CLNS1A: variants seen among roughly 807,000 people sequenced by gnomAD.
The protein encoded by CLNS1A is methylosome subunit pICln.
A neutral mutation model predicts 29.4 loss-of-function variants in CLNS1A; 16 were observed. The ratio of observed to expected loss-of-function variants is 0.54; its 90% CI spans 0.37 to 0.83. CLNS1A has a LOEUF of 0.83. CLNS1A is among the 40% of genes least tolerant of loss of function. The pLI, the probability that CLNS1A is intolerant of heterozygous loss-of-function variation, is 0.00. For missense variants in CLNS1A, 235 were observed against 287.4 expected (o/e 0.82, Z 1.32); for synonymous variants, 96 against 104.8 (o/e 0.92, Z 0.51).
intron 1 of CLNS1A, among the ~76,000 whole-genome samples, chr11:77,632,063 A>G (rs1482624446): frequency 6.6e-6 from 1 of 152,212 alleles, no homozygotes; most frequent in African/African-American, 2.4e-5. Context: ...TAAAGAGCTA[A>G]AAGTGATAAA....
chr11:77,617,752 T>C (rs1958919431), intron 6 of CLNS1A, among the ~76,000 whole-genome samples: 1 of 151,522 alleles, frequency 6.6e-6, no homozygotes, highest in Non-Finnish European at 1.5e-5. Context: ...ACCCTCTCTC[T>C]ACTAAAAATA....
rs1197901023 is a variant in CLNS1A at position 77,624,968 on chromosome 11, G to A, written c.467C>T (p.Ala156Val). The change falls in exon 4 of 7, where the codon GCA becomes GTA. Residue 156 changes from alanine to valine, a missense_variant. Physicochemically the swap from Ala to Val is moderately conservative, Grantham distance 64 (BLOSUM62 0). Coordinates refer to ENST00000525428, the MANE Select transcript of CLNS1A (RefSeq NM_001293.3). ...DYDGEEYDVE[A>V]HEQGQGDIPT... ...TTAAAATCCATTTCACTAACCATGT[G>A]CTTCCACATCATATTCTTCTCCATC... is the stretch of plus-strand genomic sequence containing the variant. 6.2e-7 allele frequency: 1 copy of A among 1,600,070 alleles called. No homozygotes were observed.
chr11:77,635,776 G>C (rs1184685406), intron 1 of CLNS1A, among the ~76,000 whole-genome samples: 1 of 152,198 alleles, frequency 6.6e-6, no homozygotes, highest in Non-Finnish European at 1.5e-5. Flanking sequence ...CTGGGAACTA[G>C]GAATGTATCT....
intron 5 of CLNS1A, among the ~76,000 whole-genome samples, chr11:77,621,684 A>G (rs961575288): frequency 6.6e-6 from 1 of 152,238 alleles, no homozygotes; most frequent in Non-Finnish European, 1.5e-5. Flanking sequence ...TTATGCATCA[A>G]CTTGGCTAGG....
Position 77,637,622 on chromosome 11 carries a change from G to A in CLNS1A, c.93C>T (p.Gly31=). ...PDTEAVLNGK[G]LGTGTLYIAE... is the part of the protein sequence containing the mutation. Reference sequence around the variant, plus strand: ...CGATGTAAAGGGTACCAGTGCCGAGGCCCTTCCCGTTCAGCACAGCCTCAG... The same window carrying A: ...CGATGTAAAGGGTACCAGTGCCGAGACCCTTCCCGTTCAGCACAGCCTCAG... The change falls in exon 1 of 7, where the codon GGC becomes GGT. Residue 31 remains glycine, a synonymous_variant. Transcript: ENST00000525428. The A allele has an allele frequency of 6.3e-7, 1 of 1,596,518 alleles. No homozygotes were observed. Among genetic ancestry groups the A allele is most frequent in the Non-Finnish European group, 8.5e-7 (1 of 1,172,038 alleles).
intron 4 of CLNS1A, among the ~76,000 whole-genome samples, chr11:77,623,571 A>C (rs1417630861): frequency 6.6e-6 from 1 of 152,044 alleles, no homozygotes; most frequent in Admixed American, 6.6e-5. Context: ...CAGCCTGGGC[A>C]ACAGAGTTAG....
chr11:77,631,483 G>A (rs1959074209), intron 1 of CLNS1A, among the ~76,000 whole-genome samples: 1 of 151,702 alleles, frequency 6.6e-6, no homozygotes, highest in Non-Finnish European at 1.5e-5. Context: ...ACCACACCCG[G>A]CTAATTTTTT....
intron 5 of CLNS1A, 51 bp downstream of exon 5, chr11:77,622,449 C>T: frequency 7.2e-7 from 1 of 1,393,844 alleles, no homozygotes; most frequent in Non-Finnish European, 9.8e-7. Flanking sequence ...CTATCCATAA[C>T]TTATTGCCCA....
intron 6 of CLNS1A, 181 bp downstream of exon 6, chr11:77,619,425 G>T: frequency 1.8e-6 from 1 of 558,820 alleles, no homozygotes. Context: ...CCAGCTATTT[G>T]GGAGGGTGAG....
intron 1 of CLNS1A, among the ~76,000 whole-genome samples, chr11:77,634,403 C>A (rs1959103006): frequency 2.0e-5 from 3 of 152,130 alleles, no homozygotes; most frequent in East Asian, 3.9e-4. Context: ...TATTTATACC[C>A]TTTTTTTGTA....
Position 77,637,606 on chromosome 11 carries a change from G to C in CLNS1A, c.109C>G (p.Leu37Val). 1 of 1,601,554 alleles carries C rather than the reference G, an allele frequency of 6.2e-7. No homozygotes were observed. Among genetic ancestry groups the C allele is most frequent in the Non-Finnish European group, 8.5e-7 (1 of 1,174,538 alleles). Reference protein sequence around the residue: ...LNGKGLGTGTLYIAESRLSWL... With the variant: ...LNGKGLGTGTVYIAESRLSWL... The stretch of plus-strand genomic sequence containing the variant: ...GAACCCTACCTCTCAGCGATGTAAA[G>C]GGTACCAGTGCCGAGGCCCTTCCCG... Residue 37 changes from leucine to valine, a missense_variant, in exon 1 of 7, where the codon CTT becomes GTT. Leu to Val is a conservative substitution (Grantham distance 32, BLOSUM62 1). Coordinates refer to ENST00000525428, the MANE Select transcript of CLNS1A (RefSeq NM_001293.3).
chr11:77,615,506 A>G lies in CLNS1A; in HGVS notation c.*1212T>C, dbSNP rs1356952870. Reference sequence around the variant, plus strand: ...ATAAAGTGGGATAAAAGCGTATCTCATAAGATAATTAAGAATATTATAATA... The same window carrying G: ...ATAAAGTGGGATAAAAGCGTATCTCGTAAGATAATTAAGAATATTATAATA... On this transcript the variant is annotated 3_prime_UTR_variant, in exon 7 of 7. Transcript: ENST00000525428. The G allele has an allele frequency of 6.6e-6, 1 of 152,236 alleles. No individual in the cohort carries two copies. Among genetic ancestry groups the G allele is most frequent in the East Asian group, 1.9e-4 (1 of 5,206 alleles). 9.4% of individuals were successfully genotyped at this position (152,236 alleles called of 1,614,324 possible). A position where few individuals can be genotyped will look rare whatever the true frequency, so the allele number is the denominator to read the frequency against.
chr11:77,637,254 A>AAAAAAAG (rs1255397759), intron 1 of CLNS1A, among the ~76,000 whole-genome samples: 10 of 147,240 alleles, frequency 6.8e-5, no homozygotes, highest in African/African-American at 1.8e-4. Flanking sequence ...AAAAAAAAAA[A>AAAAAAAG]AAAAAGAAAA....
intron 5 of CLNS1A, 104 bp downstream of exon 5, chr11:77,622,396 A>G (rs1170566325): frequency 2.6e-6 from 2 of 769,928 alleles, no homozygotes; most frequent in Non-Finnish European, 4.1e-6. Flanking sequence ...TATACTATAG[A>G]GAGTCAATTC....
chr11:77,631,294 T>A (rs2135775160), intron 1 of CLNS1A, among the ~76,000 whole-genome samples: 1 of 152,052 alleles, frequency 6.6e-6, no homozygotes, highest in African/African-American at 2.4e-5. Flanking sequence ...TACAACTCTG[T>A]AAATATACTA....
chr11:77,631,583 C>G (rs1959075361), intron 1 of CLNS1A, among the ~76,000 whole-genome samples: 1 of 151,890 alleles, frequency 6.6e-6, no homozygotes. Context: ...TCCCAAAGTG[C>G]TGGGATTATA....
intron 3 of CLNS1A, 163 bp from the exon 4 acceptor site, chr11:77,625,233 T>A (rs1959004343): frequency 1.7e-6 from 1 of 601,250 alleles, no homozygotes; most frequent in Non-Finnish European, 3.0e-6. Flanking sequence ...AGTCATAAAA[T>A]AATAAGAGTT....
chr11:77,617,527 C>A (rs890159464), intron 6 of CLNS1A, among the ~76,000 whole-genome samples: 1 of 150,132 alleles, frequency 6.7e-6, no homozygotes. Context: ...GGCAACAGAG[C>A]GAGACTCCCG....
Position 77,637,613 on chromosome 11 carries a change from A to G in CLNS1A, c.102T>C (p.Thr34=), listed in dbSNP as rs1459550838. The change falls in exon 1 of 7, where the codon ACT becomes ACC. Residue 34 remains threonine (T), a synonymous_variant. Transcript: ENST00000525428. The part of the protein sequence containing the change: ...EAVLNGKGLG[T]GTLYIAESRL... ...ACCTCTCAGCGATGTAAAGGGTACC[A>G]GTGCCGAGGCCCTTCCCGTTCAGCA... 6 of 1,599,990 alleles carry G rather than the reference A, an allele frequency of 3.8e-6. No homozygotes were observed. The East Asian group carries it at 1.1e-4, about 30-fold the overall frequency.
Sources: allele counts gnomAD v4.1 joint callset (sites outside exome capture counted in the v4.1 genomes callset), GRCh38; gene constraint gnomAD v4.1.1; transcripts MANE v1.5; gene names NCBI Gene and HGNC (gene_info 2026-07-23, HGNC 2026-07-21).